Variants in PTPRD observed in about 807,000 individuals in gnomAD.
PTPRD encodes the protein receptor-type tyrosine-protein phosphatase delta.
A neutral mutation model predicts 214.5 loss-of-function variants in PTPRD; 34 were observed. The observed-to-expected ratio is 0.16, with a 90% CI of 0.12 to 0.21. The LOEUF (loss-of-function observed/expected upper bound fraction) is 0.21, where lower values mean the gene tolerates loss of function less well. Ranked by LOEUF, PTPRD falls within the 10% of genes least tolerant of loss-of-function variation. The probability of loss-of-function intolerance (pLI) is 1.00; values close to 1 mark genes in which losing one functional copy is unlikely to be tolerated. For missense variants in PTPRD, 2,545 were observed against 2,398.7 expected (o/e 1.06, Z -1.27); for synonymous variants, 1,128 against 845.7 (o/e 1.33, Z -5.79).
chr9:9,571,946 G>C (rs2086577431), intron 8 of PTPRD, among the ~76,000 whole-genome samples: 1 of 151,040 alleles, frequency 6.6e-6, no homozygotes, highest in African/African-American at 2.4e-5. Flanking sequence ...AACTGTAAAA[G>C]TTTAAACGAT....
chr9:9,032,039 CT>C (rs1569475088), intron 10 of PTPRD, among the ~76,000 whole-genome samples: 1 of 151,594 alleles, frequency 6.6e-6, no homozygotes, highest in African/African-American at 2.4e-5. Flanking sequence ...TTATAAAAAG[CT>C]TTTTTTCCAT....
chr9:9,726,835 TAGG>T (rs2098102733), intron 7 of PTPRD, among the ~76,000 whole-genome samples: 1 of 152,134 alleles, frequency 6.6e-6, no homozygotes, highest in African/African-American at 2.4e-5. Context: ...GAAAAATGGA[TAGG>T]AGTGTCAGCT....
chr9:8,898,113 G>A (rs2098635117), intron 11 of PTPRD, among the ~76,000 whole-genome samples: 1 of 151,948 alleles, frequency 6.6e-6, no homozygotes, highest in South Asian at 2.1e-4. Flanking sequence ...TTTCCTGAAA[G>A]TTTCCCCTCC....
intron 2 of PTPRD, among the ~76,000 whole-genome samples, chr9:10,443,920 A>C (rs1156838278): frequency 2.7e-5 from 4 of 150,004 alleles, no homozygotes. Flanking sequence ...TTTTCAATTT[A>C]CTTGTTGGTG....
At chr9:9,500,440 C>A (rs2096371215) in intron 8 of PTPRD, among the ~76,000 whole-genome samples, 1 of 152,004 alleles carries the variant, frequency 6.6e-6, no homozygotes, top group Non-Finnish European at 1.5e-5. Flanking sequence ...GAAGGTACAG[C>A]TAAAGAACAC....
At chr9:10,076,865 G>A (rs1316518407) in intron 3 of PTPRD, among the ~76,000 whole-genome samples, 1 of 152,096 alleles carries the variant, frequency 6.6e-6, no homozygotes, top group Non-Finnish European at 1.5e-5. Context: ...CGAACATGAA[G>A]GTCAATTTGA....
intron 11 of PTPRD, among the ~76,000 whole-genome samples, chr9:8,736,741 A>T (rs967695266): frequency 2.0e-5 from 3 of 152,068 alleles, no homozygotes; most frequent in African/African-American, 7.2e-5. Context: ...ATGAAGAAGC[A>T]AGTGGTACAG....
At position 9,938,629 on chromosome 9, in the gene PTPRD, T is replaced by C. The variant is rs1038148105; in HGVS notation, c.-471-19A>G. On this transcript the variant is annotated intron_variant, in intron 4 of 45. Coordinates refer to ENST00000381196, the MANE Select transcript of PTPRD (RefSeq NM_002839.4). ...TTTCCACCTGGAACAAAACATAGTG[T>C]CAGTCATTTCTTCATGTTCCTTGAA... is the stretch of plus-strand genomic sequence containing the variant. 4 of 152,154 alleles carry C rather than the reference T, an allele frequency of 2.6e-5. No homozygotes were observed. Among genetic ancestry groups the C allele is most frequent in the African/African-American group, 9.7e-5 (4 of 41,436 alleles). The allele number at this position is 152,154 out of a possible 1,614,324, so 9.4% of individuals were successfully genotyped here.
At chr9:10,289,229 A>G (rs1441022427) in intron 3 of PTPRD, among the ~76,000 whole-genome samples, 3 of 152,130 alleles carry the variant, frequency 2.0e-5, no homozygotes, top group Non-Finnish European at 4.4e-5. Context: ...TTATTCATAT[A>G]CTATGTATTA....
At chr9:9,805,230 G>A (rs979303970) in intron 5 of PTPRD, among the ~76,000 whole-genome samples, 1 of 152,134 alleles carries the variant, frequency 6.6e-6, no homozygotes, top group Admixed American at 6.6e-5. Flanking sequence ...ACCTCACAAT[G>A]ACCTAGTAGT....
intron 4 of PTPRD, among the ~76,000 whole-genome samples, chr9:9,989,033 A>AC (rs2095819533): frequency 1.3e-5 from 2 of 149,396 alleles, no homozygotes; most frequent in Non-Finnish European, 3.0e-5. Flanking sequence ...AAAAAAAAAA[A>AC]AAAAAAAAAA....
At chr9:9,963,109 T>C (rs2094469633) in intron 4 of PTPRD, among the ~76,000 whole-genome samples, 1 of 152,128 alleles carries the variant, frequency 6.6e-6, no homozygotes, top group Admixed American at 6.5e-5. Flanking sequence ...GTAACAAGTT[T>C]AGTAGAAAAG....
intron 3 of PTPRD, among the ~76,000 whole-genome samples, chr9:10,166,496 C>T (rs1460890675): frequency 6.6e-6 from 1 of 151,892 alleles, no homozygotes; most frequent in Non-Finnish European, 1.5e-5. Flanking sequence ...AATTCATCAA[C>T]CGCACAACCC....
Position 9,104,679 on chromosome 9 carries a change from A to G in PTPRD, c.-143+78625T>C, listed in dbSNP as rs563062458. Among the ~76,000 whole-genome samples the G allele has an allele frequency of 3.9e-5, 6 of 152,166 alleles. No individual in the cohort carries two copies. The South Asian group carries it at 1.2e-3, about 32-fold the overall frequency. Reference sequence around the variant, plus strand: ...TTCTCATGATGAATTGTATTGAATTACTTGGTGCTCAGTGTCTCTTTGTTT... The same window carrying G: ...TTCTCATGATGAATTGTATTGAATTGCTTGGTGCTCAGTGTCTCTTTGTTT... On this transcript the variant is annotated intron_variant, in intron 10 of 45. Transcript: ENST00000381196.
intron 12 of PTPRD, among the ~76,000 whole-genome samples, chr9:8,661,194 G>A (rs2097042049): frequency 1.3e-5 from 2 of 151,962 alleles, no homozygotes; most frequent in South Asian, 4.1e-4. Flanking sequence ...AGATCTACCT[G>A]GCCTGAGGAC....
At chr9:10,007,877 T>G (rs563602057) in intron 4 of PTPRD, among the ~76,000 whole-genome samples, 1 of 152,002 alleles carries the variant, frequency 6.6e-6, no homozygotes, top group African/African-American at 2.4e-5. Flanking sequence ...TTTAGTAAAA[T>G]TTAGGTTATT....
At chr9:8,481,799 T>A (rs1591628452) in intron 30 of PTPRD, among the ~76,000 whole-genome samples, 1 of 127,932 alleles carries the variant, frequency 7.8e-6, no homozygotes, top group Non-Finnish European at 1.7e-5. Flanking sequence ...GTTTTGTTTT[T>A]TGAGACGGAG....
intron 5 of PTPRD, among the ~76,000 whole-genome samples, chr9:9,880,358 A>G (rs887418766): frequency 6.6e-6 from 1 of 152,174 alleles, no homozygotes; most frequent in African/African-American, 2.4e-5. Context: ...CAAGATGCCT[A>G]AAAGATAACT....
intron 11 of PTPRD, among the ~76,000 whole-genome samples, chr9:8,827,789 T>A (rs565001258): frequency 6.6e-6 from 1 of 152,314 alleles, no homozygotes; most frequent in African/African-American, 2.4e-5. Context: ...TTAAAATTTA[T>A]GAATTAAACT....
Sources: allele counts gnomAD v4.1 joint callset (sites outside exome capture counted in the v4.1 genomes callset), GRCh38; gene constraint gnomAD v4.1.1; transcripts MANE v1.5; gene names NCBI Gene and HGNC (gene_info 2026-07-23, HGNC 2026-07-21).